The following CNBD1 variants were observed in gnomAD, a reference collection of about 807,000 sequenced individuals.
The protein encoded by CNBD1 is cyclic nucleotide-binding domain-containing protein 1.
In CNBD1, 71 loss-of-function variants were observed where a neutral mutation model predicts 54.4. The observed-to-expected ratio is 1.30, with a 90% confidence interval of 1.08 to 1.59. CNBD1 has a LOEUF of 1.59. Among genes scored for constraint, CNBD1 ranks in the 40% most tolerant of loss-of-function variants. CNBD1 has a pLI of 0.00. For synonymous variants in CNBD1, 182 were observed against 170.7 expected (o/e 1.07, Z -0.51); for missense variants, 659 against 518.0 (o/e 1.27, Z -2.64).
intron 1 of CNBD1, among the ~76,000 whole-genome samples, chr8:86,876,798 G>A (rs1259324988): frequency 6.6e-6 from 1 of 151,634 alleles, no homozygotes; most frequent in African/African-American, 2.4e-5. Flanking sequence ...AATAAAATTT[G>A]GTACATGATT....
In CNBD1 at chr8:87,237,008, TCAC is replaced by T. The variant is rs772318363; in HGVS notation, c.670_672del (p.Pro224del). On this transcript the variant is annotated inframe_deletion, in exon 6 of 11. Coordinates refer to ENST00000518476, the MANE Select transcript of CNBD1 (RefSeq NM_173538.3). ...TAAAAATCTGATTGAAGGAAGTGAT[TCAC>T]CAGACTCGTTCATATCTCAGAGTTT... 6.2e-7 allele frequency: 1 copy of T among 1,612,212 alleles called. No homozygotes were observed. The highest frequency in any genetic ancestry group is 8.5e-7 in the Non-Finnish European group (1 of 1,178,540).
chr8:86,944,684 T>C (rs552821789), intron 4 of CNBD1, among the ~76,000 whole-genome samples: 84 of 152,238 alleles, frequency 5.5e-4, no homozygotes, highest in African/African-American at 1.6e-3. Flanking sequence ...CTGGTGGAAA[T>C]AGTGCTTCAG....
At chr8:86,993,220 A>AT (rs530011543) in intron 4 of CNBD1, among the ~76,000 whole-genome samples, 84 of 145,832 alleles carry the variant, frequency 5.8e-4, no homozygotes, top group East Asian at 3.4e-3. Context: ...AAGCTCTCAG[A>AT]TTTTTTTTTT....
intron 4 of CNBD1, among the ~76,000 whole-genome samples, chr8:87,000,191 G>T (rs890962483): frequency 2.0e-5 from 3 of 151,988 alleles, no homozygotes; most frequent in Admixed American, 2.0e-4. Flanking sequence ...GATCATGGGG[G>T]CATTTTTCCC....
At chr8:87,074,910 T>A (rs1229848356) in intron 4 of CNBD1, among the ~76,000 whole-genome samples, 1 of 152,208 alleles carries the variant, frequency 6.6e-6, no homozygotes, top group East Asian at 1.9e-4. Context: ...TCTTTAGCAT[T>A]AGGAATTGAA....
intron 6 of CNBD1, among the ~76,000 whole-genome samples, chr8:87,255,662 G>A (rs1032050561): frequency 6.6e-6 from 1 of 151,614 alleles, no homozygotes; most frequent in East Asian, 2.0e-4. Flanking sequence ...AGCTCACACA[G>A]TTAACAAAGG....
chr8:87,294,978 ATCT>A (rs1199105109), intron 8 of CNBD1, among the ~76,000 whole-genome samples: 1 of 151,712 alleles, frequency 6.6e-6, no homozygotes, highest in African/African-American at 2.4e-5. Context: ...CAATTCAAGA[ATCT>A]TCAATTTATT....
rs144820597 is a variant in CNBD1 at position 87,336,572 on chromosome 8, G to T, written c.1043-15113G>T. Among the ~76,000 whole-genome samples, 559 of 152,128 alleles carry T rather than the reference G, an allele frequency of 3.7e-3. 6 individuals are homozygous for T. Among genetic ancestry groups the T allele is most frequent in the African/African-American group, 0.013 (543 of 41,504 alleles). ...GGTCATTTATGTTTCTCTCTAGACT[G>T]GTAATTCCAGTTAGCAGCTCCTCTA... is the stretch of plus-strand genomic sequence containing the variant. On this transcript the variant is annotated intron_variant, in intron 8 of 10. Transcript: ENST00000518476.
chr8:87,191,754 C>T (rs889841112), intron 4 of CNBD1, among the ~76,000 whole-genome samples: 1 of 152,182 alleles, frequency 6.6e-6, no homozygotes, highest in Non-Finnish European at 1.5e-5. Flanking sequence ...AACACCCCGA[C>T]TGCCCACTGT....
chr8:86,936,697 C>T lies in CNBD1; in HGVS notation c.273-2899C>T, dbSNP rs537786495. ...GGCAGAGCTTGCAGTGAGCTGAGAT[C>T]GTACCACTGCACTCCAGCCTAGGTG... On this transcript the variant is annotated intron_variant, in intron 3 of 10. Transcript: ENST00000518476. Among the ~76,000 whole-genome samples, 492 of 145,602 alleles carry T rather than the reference C, an allele frequency of 3.4e-3. 1 individual carries two copies. Among genetic ancestry groups the T allele is most frequent in the Non-Finnish European group, 4.9e-3 (329 of 67,416 alleles).
chr8:87,097,244 T>C (rs1811339428), intron 4 of CNBD1, among the ~76,000 whole-genome samples: 1 of 152,196 alleles, frequency 6.6e-6, no homozygotes, highest in Non-Finnish European at 1.5e-5. Context: ...ATATTTATAT[T>C]GTTTAAAACT....
rs1346802907 is a variant in CNBD1 at position 87,215,509 on chromosome 8, A to G, written c.577+9371A>G. Among the ~76,000 whole-genome samples, 3 of 150,574 alleles carry G rather than the reference A, an allele frequency of 2.0e-5. No homozygotes were observed. The Admixed American group carries it at 2.0e-4, about 10-fold the overall frequency. The stretch of plus-strand genomic sequence containing the variant: ...AGGCTGAGGCAGGAGAATGGTGTGA[A>G]CCCGGGAGGCGGAGCTTGCAGTAAG... On this transcript the variant is annotated intron_variant, in intron 5 of 10. Coordinates refer to ENST00000518476, the MANE Select transcript of CNBD1 (RefSeq NM_173538.3).
chr8:87,331,421 C>T (rs2130910426), intron 8 of CNBD1, among the ~76,000 whole-genome samples: 1 of 152,298 alleles, frequency 6.6e-6, no homozygotes, highest in African/African-American at 2.4e-5. Context: ...CATAGTATTC[C>T]ATGGTGTATA....
At chr8:86,883,290 G>A (rs1374666103) in intron 1 of CNBD1, among the ~76,000 whole-genome samples, 2 of 152,080 alleles carry the variant, frequency 1.3e-5, no homozygotes, top group African/African-American at 4.8e-5. Flanking sequence ...AATAAACATG[G>A]GAGAAATTTT....
At chr8:87,390,822 C>G (rs1328897863) in intron 2 of CNBD1, among the ~76,000 whole-genome samples, 2 of 152,114 alleles carry the variant, frequency 1.3e-5, no homozygotes, top group Non-Finnish European at 2.9e-5. Flanking sequence ...TTCACAATAG[C>G]AAAGACTTGG....
At position 86,926,685 on chromosome 8, in the gene CNBD1, C is replaced by T. The variant is rs115320103; in HGVS notation, c.273-12911C>T. On this transcript the variant is annotated intron_variant, in intron 3 of 10. Transcript: ENST00000518476. ...CTTTCCCCTAAGAAGGTGCAGAGTA[C>T]TCCCCTCTCAGCAGTGAGGAGGTCC... is the stretch of plus-strand genomic sequence containing the variant. Among the ~76,000 whole-genome samples, 929 of 152,286 alleles carry T rather than the reference C, an allele frequency of 6.1e-3. 11 individuals are homozygous for T. Among genetic ancestry groups the T allele is most frequent in the African/African-American group, 0.021 (863 of 41,556 alleles).
chr8:87,238,082 G>GT (rs1161223996), intron 6 of CNBD1, among the ~76,000 whole-genome samples: 6 of 151,034 alleles, frequency 4.0e-5, no homozygotes, highest in Admixed American at 2.6e-4. Flanking sequence ...TTTTTTTAAT[G>GT]TTCAAACTCA....
intron 8 of CNBD1, among the ~76,000 whole-genome samples, chr8:87,350,957 A>C (rs975646712): frequency 2.6e-5 from 4 of 152,166 alleles, no homozygotes; most frequent in African/African-American, 9.7e-5. Flanking sequence ...TGACTTTACA[A>C]GTTTGAAAGA....
intron 6 of CNBD1, among the ~76,000 whole-genome samples, chr8:87,280,509 G>T (rs961158665): frequency 2.6e-5 from 4 of 151,174 alleles, no homozygotes; most frequent in African/African-American, 9.7e-5. Context: ...CAGCCCCTTA[G>T]AAAAGAAAAA....
Sources: gnomAD v4.1 joint callset for allele counts (sites outside exome capture counted in the v4.1 genomes callset) on GRCh38, gnomAD v4.1.1 for gene constraint, MANE v1.5 for transcripts, NCBI Gene and HGNC (gene_info 2026-07-23, HGNC 2026-07-21) for gene names.